SESN1: variants seen among roughly 807,000 people sequenced by gnomAD.
SESN1 encodes the protein sestrin-1.
In SESN1, 30 loss-of-function variants were observed where a neutral mutation model predicts 59.3. That is an observed-to-expected ratio of 0.51 (90% CI 0.38 to 0.69). The LOEUF is 0.69. Ranked by LOEUF, SESN1 falls within the 30% of genes least tolerant of loss-of-function variation. The pLI is 0.00. For synonymous variants in SESN1, 197 were observed against 219.9 expected (o/e 0.90, Z 0.92); for missense variants, 566 against 673.0 (o/e 0.84, Z 1.76).
At chr6:108,991,082 C>CA (rs899401495) in intron 7 of SESN1, among the ~76,000 whole-genome samples, 27 of 149,808 alleles carry the variant, frequency 1.8e-4, no homozygotes, top group South Asian at 6.3e-4. Context: ...AAAACAACAA[C>CA]AAAAAAAAAC....
At chr6:108,992,554 A>T (rs991385689) in intron 7 of SESN1, among the ~76,000 whole-genome samples, 1 of 152,244 alleles carries the variant, frequency 6.6e-6, no homozygotes, top group African/African-American at 2.4e-5. Context: ...TGAATTAAAT[A>T]CTTACATATT....
intron 1 of SESN1, among the ~76,000 whole-genome samples, chr6:109,086,122 G>A (rs1286665184): frequency 1.3e-5 from 2 of 152,192 alleles, no homozygotes; most frequent in African/African-American, 4.8e-5. Context: ...ACTTTGGGAA[G>A]CCAAGGCAGG....
chr6:109,021,153 G>A (rs1220530670), intron 1 of SESN1, among the ~76,000 whole-genome samples: 1 of 151,972 alleles, frequency 6.6e-6, no homozygotes, highest in Non-Finnish European at 1.5e-5. Flanking sequence ...CACCATGACT[G>A]TCTTAATATT....
rs1447141029 is a variant in SESN1, at chr6:108,985,109, TATG to T, written c.*2432_*2434del. ...ATGCTAGTAACATTTCTGATTCATG[TATG>T]ATATTCACATATATGAATATGCTAA... On this transcript the variant is annotated 3_prime_UTR_variant, in exon 10 of 10. Coordinates refer to ENST00000436639, the MANE Select transcript of SESN1 (RefSeq NM_014454.3). Among the ~76,000 whole-genome samples the T allele has an allele frequency of 6.6e-6, 1 of 152,224 alleles. No individual in the cohort carries two copies. Among genetic ancestry groups the T allele is most frequent in the Non-Finnish European group, 1.5e-5 (1 of 68,032 alleles).
chr6:109,050,389 A>T (rs927977867), intron 1 of SESN1, among the ~76,000 whole-genome samples: 2 of 83,252 alleles, frequency 2.4e-5, no homozygotes, highest in Non-Finnish European at 2.3e-5. Flanking sequence ...TTAAATTGTT[A>T]AAAAAAAAAA....
intron 1 of SESN1, among the ~76,000 whole-genome samples, chr6:109,045,333 T>C (rs1780411321): frequency 6.6e-6 from 1 of 152,162 alleles, no homozygotes; most frequent in South Asian, 2.1e-4. Flanking sequence ...CTCAATGCCT[T>C]TGCCACCTTC....
intron 1 of SESN1, among the ~76,000 whole-genome samples, chr6:109,076,417 T>C (rs1170402114): frequency 3.9e-5 from 6 of 152,220 alleles, no homozygotes; most frequent in Admixed American, 1.3e-4. Context: ...AATTCTTTAA[T>C]GTAAATTTTA....
intron 1 of SESN1, among the ~76,000 whole-genome samples, chr6:109,046,740 A>C (rs1780447856): frequency 8.0e-6 from 1 of 124,680 alleles, no homozygotes; most frequent in African/African-American, 3.1e-5. Context: ...CCGCCGCCCC[A>C]TCTGGGTTGT....
intron 1 of SESN1, among the ~76,000 whole-genome samples, chr6:109,021,078 C>T (rs952183217): frequency 1.3e-5 from 2 of 152,100 alleles, no homozygotes; most frequent in Non-Finnish European, 2.9e-5. Context: ...ACAGCAGCCT[C>T]GAACTCTTGG....
At chr6:108,987,775 C>A in intron 9 of SESN1, 145 bp from the exon 10 acceptor site, 6 of 419,372 alleles carry the variant, frequency 1.4e-5, no homozygotes, top group Non-Finnish European at 2.1e-5. Flanking sequence ...GTTTGTTGAA[C>A]AGATTATAAA....
intron 1 of SESN1, among the ~76,000 whole-genome samples, chr6:109,082,367 C>T (rs1001325702): frequency 6.6e-5 from 10 of 152,092 alleles, no homozygotes; most frequent in African/African-American, 2.4e-4. Flanking sequence ...TACTGGGTTC[C>T]AGTAAGCATT....
rs952963794 is a variant in SESN1, at chr6:108,986,950, A to C, written c.*594T>G. On this transcript the variant is annotated 3_prime_UTR_variant, in exon 10 of 10. Transcript: ENST00000436639. ...AAAGAAATTAACTGTTACCATCAAA[A>C]TGGTTGTTGCTGAGCTGTGTGAGTA... 1 of 152,640 alleles carries C rather than the reference A, an allele frequency of 6.6e-6. No homozygotes were observed. Among genetic ancestry groups the C allele is most frequent in the Non-Finnish European group, 1.5e-5 (1 of 68,042 alleles). 9.5% of individuals were successfully genotyped at this position (152,640 alleles called of 1,614,324 possible).
At chr6:109,046,507 C>G (rs9717569) in intron 1 of SESN1, among the ~76,000 whole-genome samples, 1 of 147,794 alleles carries the variant, frequency 6.8e-6, no homozygotes, top group Non-Finnish European at 1.5e-5. Context: ...GCCGCCACCC[C>G]GTCTGGGAAG....
In SESN1 at chr6:109,042,530, C is replaced by CAA. The variant is rs774479575; in HGVS notation, c.280-40188_280-40187insTT. 5.8e-4 allele frequency among the ~76,000 whole-genome samples: 72 copies of CAA among 123,308 alleles called. 1 individual carries two copies. Among genetic ancestry groups the CAA allele is most frequent in the Middle Eastern group, 4.0e-3 (1 of 248 alleles). The allele number at this position is 123,308 out of a possible 152,430, so 80.9% of individuals were successfully genotyped here. A position where few individuals can be genotyped will look rare whatever the true frequency, so the allele number is the denominator to read the frequency against. On this transcript the variant is annotated intron_variant, in intron 1 of 9. Coordinates refer to ENST00000436639, the MANE Select transcript of SESN1 (RefSeq NM_014454.3). ...TTAGGAATGAAACAGAGGATTATTG[C>CAA]GAAAAAAAAAAAACAAACCTGCAAA...
intron 1 of SESN1, among the ~76,000 whole-genome samples, chr6:109,029,868 A>AT: frequency 6.6e-6 from 1 of 151,976 alleles, no homozygotes; most frequent in South Asian, 2.1e-4. Flanking sequence ...TGTTCAAGTT[A>AT]TTTTTCTATG....
intron 1 of SESN1, among the ~76,000 whole-genome samples, chr6:109,047,405 C>T (rs1380979965): frequency 1.5e-3 from 206 of 135,772 alleles, no homozygotes; most frequent in African/African-American, 5.3e-3. Flanking sequence ...CGCCTCTGCC[C>T]GGCCGCCCCT....
chr6:108,996,340 T>G (rs892800501), intron 5 of SESN1, among the ~76,000 whole-genome samples: 1 of 152,180 alleles, frequency 6.6e-6, no homozygotes, highest in Non-Finnish European at 1.5e-5. Flanking sequence ...TACTGAAGAT[T>G]CTTGTGGTGC....
intron 1 of SESN1, among the ~76,000 whole-genome samples, chr6:109,058,759 G>A (rs899385321): frequency 2.0e-5 from 3 of 152,078 alleles, no homozygotes; most frequent in Non-Finnish European, 4.4e-5. Flanking sequence ...AGGAAATCCC[G>A]ATCCACACTT....
intron 6 of SESN1, among the ~76,000 whole-genome samples, chr6:108,993,940 G>C (rs558308178): frequency 6.6e-6 from 1 of 151,876 alleles, no homozygotes; most frequent in East Asian, 1.9e-4. Flanking sequence ...TTAAGGAAGA[G>C]AAGCGTGGGC....
Sources: allele counts gnomAD v4.1 joint callset (sites outside exome capture counted in the v4.1 genomes callset), GRCh38; gene constraint gnomAD v4.1.1; transcripts MANE v1.5; gene names NCBI Gene and HGNC (gene_info 2026-07-23, HGNC 2026-07-21).